Variants in CSMD1 observed in about 807,000 individuals in gnomAD.
CSMD1 encodes CUB and Sushi multiple domains 1, also known as CUB and sushi domain-containing protein 1.
Under a neutral mutation model 417.5 loss-of-function variants are expected in CSMD1, and 213 were observed. The observed-to-expected ratio is 0.51, with a 90% CI of 0.46 to 0.57. The LOEUF (loss-of-function observed/expected upper bound fraction) is 0.57, where lower values mean the gene tolerates loss of function less well. Among genes scored for constraint, CSMD1 ranks in the 20% least tolerant of loss-of-function variants. The pLI, the probability that CSMD1 is intolerant of heterozygous loss-of-function variation, is 0.00. For missense variants in CSMD1, 6,923 were observed against 4,529.7 expected (o/e 1.53, Z -15.17); for synonymous variants, 2,862 against 1,736.8 (o/e 1.65, Z -16.11).
At chr8:4,500,624 C>A (rs1376810927) in intron 2 of CSMD1, among the ~76,000 whole-genome samples, 1 of 151,856 alleles carries the variant, frequency 6.6e-6, no homozygotes, top group Non-Finnish European at 1.5e-5. Flanking sequence ...TGTTTTTGAG[C>A]GGGAGAGAGG....
intron 3 of CSMD1, among the ~76,000 whole-genome samples, chr8:4,223,880 G>A (rs377022053): frequency 2.0e-4 from 30 of 152,222 alleles, no homozygotes; most frequent in African/African-American, 6.5e-4. Context: ...AGTCCTGCAT[G>A]GAAAATTAAA....
chr8:3,565,153 AAAAAAAAG>A (rs1451263937), intron 10 of CSMD1, among the ~76,000 whole-genome samples: 1 of 141,350 alleles, frequency 7.1e-6, no homozygotes, highest in African/African-American at 2.6e-5. Flanking sequence ...AAAAAAAAAA[AAAAAAAAG>A]AGAGAGATCA....
At chr8:4,629,284 T>C (rs1248440462) in intron 2 of CSMD1, among the ~76,000 whole-genome samples, 6 of 152,160 alleles carry the variant, frequency 3.9e-5, no homozygotes, top group East Asian at 3.8e-4. Context: ...ATCCTACCAA[T>C]AGACATGAAA....
intron 13 of CSMD1, among the ~76,000 whole-genome samples, chr8:3,409,162 G>A (rs955371311): frequency 6.6e-6 from 1 of 152,214 alleles, no homozygotes; most frequent in East Asian, 1.9e-4. Flanking sequence ...AACGATATAT[G>A]TGATGACCCT....
intron 3 of CSMD1, among the ~76,000 whole-genome samples, chr8:4,048,603 G>A (rs1469253486): frequency 2.6e-5 from 4 of 152,222 alleles, no homozygotes; most frequent in African/African-American, 9.6e-5. Flanking sequence ...TATACAAACA[G>A]CACACACCAA....
At chr8:4,264,095 C>A (rs1350026712) in intron 3 of CSMD1, among the ~76,000 whole-genome samples, 2 of 152,146 alleles carry the variant, frequency 1.3e-5, no homozygotes, top group African/African-American at 4.8e-5. Flanking sequence ...TAACATCAAA[C>A]TATCAAGAAT....
At chr8:4,329,558 G>C (rs144263303) in intron 3 of CSMD1, among the ~76,000 whole-genome samples, 8 of 152,196 alleles carry the variant, frequency 5.3e-5, no homozygotes, top group East Asian at 1.9e-4. Context: ...AAATTGCTTG[G>C]ATTAAAGGTG....
At chr8:4,072,974 AT>A (rs1462647990) in intron 3 of CSMD1, among the ~76,000 whole-genome samples, 8 of 152,272 alleles carry the variant, frequency 5.3e-5, no homozygotes, top group African/African-American at 1.9e-4. Context: ...GTGACATCAG[AT>A]TTTGCCTTGA....
chr8:4,373,585 A>C (rs1216241200), intron 3 of CSMD1, among the ~76,000 whole-genome samples: 1 of 152,188 alleles, frequency 6.6e-6, no homozygotes, highest in Non-Finnish European at 1.5e-5. Context: ...CATCTTATTT[A>C]ATTTTCCTAT....
At chr8:4,895,556 G>T (rs1320900669) in intron 1 of CSMD1, among the ~76,000 whole-genome samples, 3 of 138,910 alleles carry the variant, frequency 2.2e-5, no homozygotes, top group African/African-American at 8.1e-5. Flanking sequence ...TACTGATAAA[G>T]AAATTTTGCT....
intron 3 of CSMD1, among the ~76,000 whole-genome samples, chr8:4,055,901 G>C (rs551116690): frequency 6.6e-6 from 1 of 151,970 alleles, no homozygotes; most frequent in Non-Finnish European, 1.5e-5. Context: ...CAAATGATGA[G>C]TCATTAGTAT....
chr8:3,586,688 A>T (rs959156338), intron 8 of CSMD1, among the ~76,000 whole-genome samples: 1 of 152,328 alleles, frequency 6.6e-6, no homozygotes, highest in Admixed American at 6.5e-5. Flanking sequence ...TTAAGAAAAT[A>T]TGTCAGTAAA....
At chr8:4,127,340 C>A (rs1030350475) in intron 3 of CSMD1, among the ~76,000 whole-genome samples, 7 of 151,062 alleles carry the variant, frequency 4.6e-5, no homozygotes, top group African/African-American at 7.3e-5. Context: ...GCAGTACAAG[C>A]CTCTCCCTTC....
chr8:3,049,718 C>G (rs1005042744), intron 50 of CSMD1, among the ~76,000 whole-genome samples: 1 of 151,990 alleles, frequency 6.6e-6, no homozygotes, highest in Non-Finnish European at 1.5e-5. Flanking sequence ...TTGTCCAAGC[C>G]CACAGATGGT....
At chr8:4,186,088 G>C (rs954774119) in intron 3 of CSMD1, among the ~76,000 whole-genome samples, 1 of 152,128 alleles carries the variant, frequency 6.6e-6, no homozygotes, top group East Asian at 1.9e-4. Flanking sequence ...TGTTAGAGGA[G>C]GCACCCTCTT....
chr8:4,608,349 G>GGTGGTGGCTGACCGGAAC, intron 2 of CSMD1, among the ~76,000 whole-genome samples: 1 of 152,174 alleles, frequency 6.6e-6, no homozygotes, highest in South Asian at 2.1e-4. Context: ...AGGTAGCCAC[G>GGTGGTGGCTGACCGGAAC]GTGGTGGCTG....
chr8:4,838,942 G>C (rs531233837), intron 1 of CSMD1, among the ~76,000 whole-genome samples: 1 of 152,190 alleles, frequency 6.6e-6, no homozygotes, highest in Non-Finnish European at 1.5e-5. Flanking sequence ...AGACAAATTT[G>C]ACAAATTCAG....
intron 5 of CSMD1, among the ~76,000 whole-genome samples, chr8:3,982,743 C>T (rs752017585): frequency 6.6e-6 from 1 of 152,020 alleles, no homozygotes; most frequent in African/African-American, 2.4e-5. Context: ...GGAGGCTTAA[C>T]GTGGAAGGAG....
intron 3 of CSMD1, among the ~76,000 whole-genome samples, chr8:4,231,543 G>C (rs1422009264): frequency 6.6e-6 from 1 of 152,094 alleles, no homozygotes; most frequent in African/African-American, 2.4e-5. Flanking sequence ...TGGTGTTAAA[G>C]GCTAAGCAAT....
Sources: gnomAD v4.1 joint callset for allele counts (sites outside exome capture counted in the v4.1 genomes callset) on GRCh38, gnomAD v4.1.1 for gene constraint, MANE v1.5 for transcripts, NCBI Gene and HGNC (gene_info 2026-07-23, HGNC 2026-07-21) for gene names.